TEX29: variants seen among roughly 807,000 people sequenced by gnomAD.
The protein encoded by TEX29 is testis-expressed protein 29.
A neutral mutation model predicts 18.2 loss-of-function variants in TEX29; 26 were observed. The observed-to-expected ratio is 1.43, with a 90% confidence interval of 1.04 to 1.98. The LOEUF is 1.98. TEX29 is among the 30% of genes most tolerant of loss of function. The pLI, the probability that TEX29 is intolerant of heterozygous loss-of-function variation, is 0.00. For synonymous variants in TEX29, 83 were observed against 78.5 expected (o/e 1.06, Z -0.31); for missense variants, 177 against 194.2 (o/e 0.91, Z 0.53).
At chr13:111,328,884 C>G (rs958003734) in intron 3 of TEX29, among the ~76,000 whole-genome samples, 1 of 152,192 alleles carries the variant, frequency 6.6e-6, no homozygotes, top group East Asian at 1.9e-4. Context: ...CGTTGCCACT[C>G]CCCATCCCCG....
At chr13:111,339,966 GAGGA>G in intron 4 of TEX29, 34 bp downstream of exon 4, 2 of 1,436,706 alleles carry the variant, frequency 1.4e-6, no homozygotes, top group Admixed American at 1.7e-5. Flanking sequence ...GGAGGGTGGG[GAGGA>G]GGGGACTCAC....
chr13:111,316,535 G>C (rs1022046856), upstream of TEX29, among the ~76,000 whole-genome samples: 4 of 152,212 alleles, frequency 2.6e-5, no homozygotes, highest in African/African-American at 9.7e-5. Flanking sequence ...TCCAGACATT[G>C]CTGGAATTCC....
chr13:111,339,626 T>C (rs2093694471), intron 3 of TEX29, among the ~76,000 whole-genome samples: 1 of 152,098 alleles, frequency 6.6e-6, no homozygotes, highest in South Asian at 2.1e-4. Context: ...TGGGTGGCAC[T>C]GACTACCACC....
chr13:111,320,944 C>T lies in TEX29; in HGVS notation c.54C>T (p.Phe18=). 5 of 1,565,214 alleles carry T rather than the reference C, an allele frequency of 3.2e-6. No individual in the cohort carries two copies. Among genetic ancestry groups the T allele is most frequent in the Non-Finnish European group, 4.3e-6 (5 of 1,159,146 alleles). ...KNSPRHLLKQ[F]TVCDVPLYDI... ...CTCCGCGGCACCTCCTGAAGCAATTCACAGGTATGGAGGGAAGGCGCCAGG... is the reference window on the plus strand; with the variant it reads ...CTCCGCGGCACCTCCTGAAGCAATTTACAGGTATGGAGGGAAGGCGCCAGG... The change falls in exon 2 of 6, where the codon TTC becomes TTT. Residue 18 remains phenylalanine, a synonymous_variant. Transcript: ENST00000283547.
chr13:111,339,763 G>A (rs928823470), intron 3 of TEX29, 100 bp from the exon 4 acceptor site: 327 of 1,215,766 alleles, frequency 2.7e-4, no homozygotes, highest in Non-Finnish European at 2.7e-4. Context: ...AGCCGCGCCG[G>A]GAGGGCCCGC....
Position 111,328,222 on chromosome 13 carries a change from T to A in TEX29, c.98T>A (p.Val33Asp). The A allele has an allele frequency of 6.2e-7, 1 of 1,614,010 alleles. No individual in the cohort carries two copies. Among genetic ancestry groups the A allele is most frequent in the African/African-American group, 1.3e-5 (1 of 75,032 alleles). The change falls in exon 3 of 6, where the codon GTC (valine) becomes GAC (aspartate). Residue 33 changes from valine (V) to aspartate (D), a missense_variant. Transcript: ENST00000283547. ...VPLYDICDYN[V>D]SRDRCQELGC... Reference sequence around the variant, plus strand: ...CTGTATGACATTTGTGACTACAACGTCTCCAGGGACCGATGCCAGGAGCTC... The same window carrying A: ...CTGTATGACATTTGTGACTACAACGACTCCAGGGACCGATGCCAGGAGCTC...
chr13:111,316,560 A>G (rs12427765), upstream of TEX29, among the ~76,000 whole-genome samples: 5,303 of 152,314 alleles, frequency 0.035, 248 homozygotes, highest in Admixed American at 0.14. Flanking sequence ...CCAAAGGGCA[A>G]GGGCCAGGGA....
In TEX29 at chr13:111,335,132, G is replaced by A. The variant is rs549922813; in HGVS notation, c.170-4731G>A. On this transcript the variant is annotated intron_variant, in intron 3 of 5. Coordinates refer to ENST00000283547, the MANE Select transcript of TEX29 (RefSeq NM_152324.3). ...TGTTCTCATTGTTTTTATGGAGGAA[G>A]AAATTGGCAGGGGGGTTCTCGCTCT... is the stretch of plus-strand genomic sequence containing the variant. Among the ~76,000 whole-genome samples, 9 of 152,320 alleles carry A rather than the reference G, an allele frequency of 5.9e-5. No homozygotes were observed. The East Asian group carries it at 1.2e-3, about 20-fold the overall frequency.
At chr13:111,338,117 TGCG>T (rs67684195) in intron 3 of TEX29, among the ~76,000 whole-genome samples, 32,569 of 152,038 alleles carry the variant, frequency 0.21, 4,446 homozygotes, top group Non-Finnish European at 0.3. Context: ...TCTCTGCACC[TGCG>T]GCCTTGCTTC....
chr13:111,320,668 C>G lies in TEX29; in HGVS notation c.-129C>G, dbSNP rs1187964758. 1 of 602,568 alleles carries G rather than the reference C, an allele frequency of 1.7e-6. No individual in the cohort carries two copies. Among genetic ancestry groups the G allele is most frequent in the Non-Finnish European group, 3.0e-6 (1 of 334,924 alleles). The allele number at this position is 602,568 out of a possible 1,614,324, so 37.3% of individuals were successfully genotyped here. ...TAGTGAGCGGCAGACAGAGGGGTGG[C>G]CAGTTTGTTGTTTTACCTAAAAGGT... On this transcript the variant is annotated 5_prime_UTR_variant, in exon 1 of 6. Transcript: ENST00000283547.
intron 3 of TEX29, among the ~76,000 whole-genome samples, chr13:111,339,625 C>T (rs955496941): frequency 2.6e-5 from 4 of 152,114 alleles, no homozygotes; most frequent in African/African-American, 7.2e-5. Flanking sequence ...CTGGGTGGCA[C>T]TGACTACCAC....
At chr13:111,342,557 CAA>C (rs34305274) in intron 4 of TEX29, among the ~76,000 whole-genome samples, 197 bp from the exon 5 acceptor site, 47 of 75,310 alleles carry the variant, frequency 6.2e-4, no homozygotes, top group Middle Eastern at 8.3e-3. Flanking sequence ...AAAACTGTCT[CAA>C]AAAAAAAAAA....
intron 2 of TEX29, among the ~76,000 whole-genome samples, chr13:111,322,199 T>C (rs1295983778): frequency 6.6e-6 from 1 of 152,208 alleles, no homozygotes. Flanking sequence ...GGCAGCTATC[T>C]CTTTGGACAG....
chr13:111,344,015 G>A (rs2093700826), intron 5 of TEX29, 68 bp from the exon 6 acceptor site: 2 of 1,355,802 alleles, frequency 1.5e-6, no homozygotes, highest in Admixed American at 1.7e-5. Flanking sequence ...CAAAGATCCT[G>A]ATGAAATCTT....
upstream of TEX29, among the ~76,000 whole-genome samples, chr13:111,317,145 TAAAG>T (rs1294559805): frequency 2.0e-5 from 3 of 151,932 alleles, no homozygotes; most frequent in Non-Finnish European, 2.9e-5. Context: ...ATTTTATTCG[TAAAG>T]AAAGGTGGCT....
intron 3 of TEX29, among the ~76,000 whole-genome samples, chr13:111,334,591 G>A (rs1415263513): frequency 6.6e-6 from 1 of 152,232 alleles, no homozygotes; most frequent in African/African-American, 2.4e-5. Flanking sequence ...TCCCAGGAAT[G>A]TGACAGAGCA....
chr13:111,328,053 A>G lies in TEX29; in HGVS notation c.59-130A>G, dbSNP rs1595687312. The G allele has an allele frequency of 1.1e-5, 7 of 614,360 alleles. No homozygotes were observed. The East Asian group carries it at 1.4e-4, about 12-fold the overall frequency. The allele number at this position is 614,360 out of a possible 1,614,324, so 38.1% of individuals were successfully genotyped here. ...TCAAATAAAGATTTGCAGGATGCGT[A>G]ATTGAGAAAATAACAAAACCACAAC... is the stretch of plus-strand genomic sequence containing the variant. On this transcript the variant is annotated intron_variant, in intron 2 of 5. Coordinates refer to ENST00000283547, the MANE Select transcript of TEX29 (RefSeq NM_152324.3).
intron 3 of TEX29, among the ~76,000 whole-genome samples, chr13:111,336,889 G>A (rs1373287205): frequency 6.6e-6 from 1 of 152,202 alleles, no homozygotes; most frequent in East Asian, 1.9e-4. Context: ...AAGAACGTGA[G>A]CACGTAGGAA....
chr13:111,330,372 G>A (rs2093680851), intron 3 of TEX29, among the ~76,000 whole-genome samples: 1 of 152,168 alleles, frequency 6.6e-6, no homozygotes, highest in Admixed American at 6.5e-5. Context: ...GCTCCTCAGA[G>A]ACAAATGAGA....
Sources: gnomAD v4.1 joint callset for allele counts (sites outside exome capture counted in the v4.1 genomes callset) on GRCh38, gnomAD v4.1.1 for gene constraint, MANE v1.5 for transcripts, NCBI Gene and HGNC (gene_info 2026-07-23, HGNC 2026-07-21) for gene names.